NHSL2: variants seen among roughly 807,000 people sequenced by gnomAD.
NHSL2 encodes the protein NHS-like protein 2.
NHSL2 carries 27 observed loss-of-function variants against 53.4 expected under a neutral mutation model. The observed-to-expected ratio is 0.51, with a 90% CI of 0.37 to 0.70. The LOEUF (loss-of-function observed/expected upper bound fraction) is 0.70. Ranked by LOEUF, NHSL2 falls within the 30% of genes least tolerant of loss-of-function variation. The pLI, the probability that NHSL2 is intolerant of heterozygous loss-of-function variation, is 0.00. For missense variants in NHSL2, 892 were observed against 980.1 expected, an observed-to-expected ratio of 0.91 and a Z score of 1.20; for synonymous variants, 408 against 404.1, an observed-to-expected ratio of 1.01 and a Z score of -0.12.
chrX:72,008,153 T>C (rs1422126444), intron 1 of NHSL2, among the ~76,000 whole-genome samples: 2 of 112,862 alleles, frequency 1.8e-5, no homozygotes, highest in Non-Finnish European at 3.7e-5. Flanking sequence ...CAGTTGCCTG[T>C]TTTCCCAGGA....
At chrX:72,004,723 G>A (rs186252013) in intron 1 of NHSL2, among the ~76,000 whole-genome samples, 2,236 of 102,286 alleles carry the variant, frequency 0.022, 75 homozygotes, top group African/African-American at 0.078. Flanking sequence ...GGACCTGTCC[G>A]CTCCGGCCCA....
chrX:72,036,293 A>G (rs2042241107), intron 1 of NHSL2, among the ~76,000 whole-genome samples: 1 of 112,009 alleles, frequency 8.9e-6, no homozygotes. Context: ...CTTTTATTTC[A>G]GGATGTGAAA....
At chrX:71,968,303 T>G (rs1426982751) in intron 1 of NHSL2, among the ~76,000 whole-genome samples, 2 of 111,065 alleles carry the variant, frequency 1.8e-5, no homozygotes, top group African/African-American at 3.3e-5. Flanking sequence ...CCACTGCTCT[T>G]CACACTGTCA....
At chrX:72,015,962 CT>C (rs951924059) in intron 1 of NHSL2, among the ~76,000 whole-genome samples, 2 of 111,515 alleles carry the variant, frequency 1.8e-5, no homozygotes, top group Non-Finnish European at 3.8e-5. Context: ...TGTCTTTTGC[CT>C]AAAAAAAAAT....
chrX:71,948,009 A>G (rs2041801222), intron 1 of NHSL2, among the ~76,000 whole-genome samples: 1 of 111,069 alleles, frequency 9.0e-6, no homozygotes. Flanking sequence ...TATTCATATA[A>G]CCAAACACCA....
chrX:72,120,392 G>T (rs1385195095), intron 1 of NHSL2, among the ~76,000 whole-genome samples: 1 of 112,129 alleles, frequency 8.9e-6, no homozygotes, highest in Admixed American at 9.4e-5. Context: ...TTTATTTGGG[G>T]TTTTGATTTC....
intron 1 of NHSL2, among the ~76,000 whole-genome samples, chrX:71,949,053 C>T (rs1444341194): frequency 9.1e-6 from 1 of 109,393 alleles, no homozygotes; most frequent in African/African-American, 3.3e-5. Context: ...CCACCGTGCC[C>T]GGCCGATGTA....
At chrX:71,924,140 A>G (rs1015752932) in intron 1 of NHSL2, among the ~76,000 whole-genome samples, 1 of 111,853 alleles carries the variant, frequency 8.9e-6, no homozygotes, top group Non-Finnish European at 1.9e-5. Context: ...CAGTCTTAGC[A>G]TTTAGTTGGG....
chrX:71,991,790 C>G (rs941240609), intron 1 of NHSL2, among the ~76,000 whole-genome samples: 1 of 102,478 alleles, frequency 9.8e-6, no homozygotes, highest in Non-Finnish European at 2.0e-5. Context: ...CTCTCTGTCT[C>G]TCTATGTCTC....
At chrX:71,930,626 T>G (rs1309013355) in intron 1 of NHSL2, among the ~76,000 whole-genome samples, 1 of 112,622 alleles carries the variant, frequency 8.9e-6, no homozygotes, top group African/African-American at 3.2e-5. Flanking sequence ...AATTTCGTAT[T>G]AATGGAGTCA....
rs1342104751 is a variant in NHSL2, at chrX:72,144,721, C to T, written c.*1147C>T. On this transcript the variant is annotated 3_prime_UTR_variant, in exon 8 of 8. Coordinates refer to ENST00000633930, the MANE Select transcript of NHSL2 (RefSeq NM_001013627.3). ...CCCATAATGCACACACACACACACA[C>T]ACACACACACACACACACACACACA... is the stretch of plus-strand genomic sequence containing the variant. 2.3e-5 allele frequency: 5 copies of T among 216,004 alleles called. No homozygotes were observed. The highest frequency in any genetic ancestry group is 1.5e-4 in the African/African-American group (5 of 32,935). 17.8% of individuals were successfully genotyped at this position (216,004 alleles called of 1,213,427 possible).
At chrX:72,053,042 G>T in intron 1 of NHSL2, among the ~76,000 whole-genome samples, 2 of 112,154 alleles carry the variant, frequency 1.8e-5, no homozygotes, top group Middle Eastern at 9.2e-3. Flanking sequence ...AGTCGGATTG[G>T]CACCTTATTT....
At chrX:72,057,739 G>C (rs1339691501) in intron 1 of NHSL2, among the ~76,000 whole-genome samples, 1 of 111,852 alleles carries the variant, frequency 8.9e-6, no homozygotes. Flanking sequence ...ATAACACTAG[G>C]ACACTATTTG....
rs573135499 is a variant in NHSL2, at chrX:72,139,386, C to G, written c.1838C>G (p.Ser613Cys). ...LSLEHQGHHS[S>C]HPDAQGHPAI... ...TTGGAACATCAAGGACATCACTCGT[C>G]CCACCCAGATGCTCAGGGTCACCCA... Residue 613 changes from serine to cysteine, a missense_variant, in exon 6 of 8, where the codon TCC becomes TGC. Ser to Cys is a moderately radical substitution (Grantham distance 112, BLOSUM62 -1). Transcript: ENST00000633930. 2.5e-6 allele frequency: 3 copies of G among 1,210,248 alleles called. No individual in the cohort carries two copies. The highest frequency in any genetic ancestry group is 2.2e-6 in the Non-Finnish European group (2 of 894,331).
intron 1 of NHSL2, among the ~76,000 whole-genome samples, chrX:72,086,476 G>C (rs975539836): frequency 2.7e-5 from 3 of 111,524 alleles, no homozygotes; most frequent in African/African-American, 6.5e-5. Flanking sequence ...TTGAGGTCAA[G>C]AGTTCAAGAC....
intron 1 of NHSL2, among the ~76,000 whole-genome samples, chrX:72,033,095 A>G (rs1189299924): frequency 2.7e-5 from 3 of 111,066 alleles, no homozygotes; most frequent in African/African-American, 9.9e-5. Context: ...ATTTTAGAAT[A>G]TAGTTGTCTA....
chrX:71,923,004 A>G (rs963584118), intron 1 of NHSL2, among the ~76,000 whole-genome samples: 3 of 112,572 alleles, frequency 2.7e-5, no homozygotes, highest in Non-Finnish European at 3.8e-5. Flanking sequence ...ATTGGCTTGC[A>G]CAGAAGTTTT....
chrX:72,085,253 C>G (rs886977890), intron 1 of NHSL2, among the ~76,000 whole-genome samples: 33 of 112,133 alleles, frequency 2.9e-4, no homozygotes, highest in Admixed American at 2.6e-3. Context: ...CAGCCCCTCT[C>G]AAAGACACAT....
At chrX:71,955,070 G>T (rs1178301875) in intron 1 of NHSL2, among the ~76,000 whole-genome samples, 1 of 111,798 alleles carries the variant, frequency 8.9e-6, no homozygotes, top group Non-Finnish European at 1.9e-5. Context: ...TACCCACCAT[G>T]CCCTAAACGC....
Sources: gnomAD v4.1 joint callset for allele counts (sites outside exome capture counted in the v4.1 genomes callset) on GRCh38, gnomAD v4.1.1 for gene constraint, MANE v1.5 for transcripts, NCBI Gene and HGNC (gene_info 2026-07-23, HGNC 2026-07-21) for gene names.